Variants in PRKN observed in about 807,000 individuals in gnomAD.
PRKN encodes parkin RBR E3 ubiquitin protein ligase.
PRKN carries 56 observed loss-of-function variants against 59.5 expected under a neutral mutation model. That is an observed-to-expected ratio of 0.94 (90% CI 0.76 to 1.18). The LOEUF (loss-of-function observed/expected upper bound fraction) is 1.18, where lower values mean the gene tolerates loss of function less well. Among genes scored for constraint, PRKN ranks in the 50% most tolerant of loss-of-function variants. The probability of loss-of-function intolerance (pLI) is 0.00; values close to 1 mark genes in which losing one functional copy is unlikely to be tolerated. For synonymous variants in PRKN, 250 were observed against 222.1 expected (o/e 1.13, Z -1.12); for missense variants, 657 against 596.4 (o/e 1.10, Z -1.06).
chr6:161,615,362 ATATT>A (rs1782653937), intron 7 of PRKN, among the ~76,000 whole-genome samples: 1 of 152,192 alleles, frequency 6.6e-6, no homozygotes, highest in Non-Finnish European at 1.5e-5. Flanking sequence ...GAGATTGAAA[ATATT>A]TTTTATTTCA....
intron 5 of PRKN, among the ~76,000 whole-genome samples, chr6:161,980,752 C>A (rs751002037): frequency 9.9e-5 from 15 of 152,130 alleles, no homozygotes; most frequent in Non-Finnish European, 1.9e-4. Context: ...GAAACAGCCC[C>A]AACTTACAGA....
At chr6:162,283,153 T>C (rs1232465612) in intron 2 of PRKN, among the ~76,000 whole-genome samples, 1 of 152,202 alleles carries the variant, frequency 6.6e-6, no homozygotes, top group Non-Finnish European at 1.5e-5. Context: ...TGTTTTACCC[T>C]TTCTGGCTAC....
chr6:161,369,774 A>T lies in PRKN; in HGVS notation c.1168-9569T>A, dbSNP rs1206889235. Reference sequence around the variant, plus strand: ...TATATATATGAAACATCTATAATATACTTATATATAGATGTTTCATATATA... The same window carrying T: ...TATATATATGAAACATCTATAATATTCTTATATATAGATGTTTCATATATA... On this transcript the variant is annotated intron_variant, in intron 10 of 11. Transcript: ENST00000366898. The surrounding 1 kb of genome is among the most constrained non-coding windows in gnomAD (Gnocchi z 5.8). Among the ~76,000 whole-genome samples, 1 of 151,684 alleles carries T rather than the reference A, an allele frequency of 6.6e-6. No homozygotes were observed. Among genetic ancestry groups the T allele is most frequent in the Non-Finnish European group, 1.5e-5 (1 of 67,932 alleles).
At chr6:161,840,570 A>T (rs1490419377) in intron 6 of PRKN, among the ~76,000 whole-genome samples, 1 of 152,146 alleles carries the variant, frequency 6.6e-6, no homozygotes, top group Non-Finnish European at 1.5e-5. Flanking sequence ...AGTACGTGTC[A>T]GTTATGATTT....
intron 5 of PRKN, among the ~76,000 whole-genome samples, chr6:161,997,623 T>C (rs1421404141): frequency 6.6e-6 from 1 of 152,162 alleles, no homozygotes; most frequent in Non-Finnish European, 1.5e-5. Flanking sequence ...ACTCAGAACA[T>C]ACTAAGTGAT....
At chr6:161,926,824 A>C (rs1030242431) in intron 6 of PRKN, among the ~76,000 whole-genome samples, 1 of 151,814 alleles carries the variant, frequency 6.6e-6, no homozygotes, top group Non-Finnish European at 1.5e-5. Flanking sequence ...TCTCTATAAG[A>C]CATTCAAATG....
At chr6:162,167,887 G>A (rs945343853) in intron 4 of PRKN, among the ~76,000 whole-genome samples, 11 of 152,054 alleles carry the variant, frequency 7.2e-5, no homozygotes, top group Non-Finnish European at 1.5e-4. Flanking sequence ...TGGTCTTGCC[G>A]TGAATATTTG....
intron 7 of PRKN, among the ~76,000 whole-genome samples, chr6:161,591,053 A>T (rs1322266421): frequency 6.6e-6 from 1 of 152,194 alleles, no homozygotes; most frequent in African/African-American, 2.4e-5. Context: ...TACATAACAG[A>T]TTACTCCGGT....
chr6:162,039,811 A>C (rs190069613), intron 5 of PRKN, among the ~76,000 whole-genome samples: 1 of 152,372 alleles, frequency 6.6e-6, no homozygotes, highest in East Asian at 1.9e-4. Context: ...ACAGACAGAC[A>C]GACAGATGTA....
intron 3 of PRKN, among the ~76,000 whole-genome samples, chr6:162,222,544 G>A (rs956943259): frequency 6.6e-6 from 1 of 152,126 alleles, no homozygotes; most frequent in African/African-American, 2.4e-5. Flanking sequence ...CAACTTCAGG[G>A]AATGAATTCT....
At chr6:162,200,327 C>T (rs933095368) in intron 4 of PRKN, among the ~76,000 whole-genome samples, 13 of 152,284 alleles carry the variant, frequency 8.5e-5, no homozygotes, top group Admixed American at 4.6e-4. Flanking sequence ...GTCAGCAAAC[C>T]TGTTCTCTAA....
Position 162,404,369 on chromosome 6 carries a change from GA to G in PRKN, c.171+38940del, listed in dbSNP as rs1242287906. 2.0e-3 allele frequency among the ~76,000 whole-genome samples: 266 copies of G among 133,766 alleles called. 1 individual carries two copies. The highest frequency in any genetic ancestry group is 4.2e-3 in the African/African-American group (156 of 36,780). The allele number at this position is 133,766 out of a possible 152,430, so 87.8% of individuals were successfully genotyped here. On this transcript the variant is annotated intron_variant, in intron 2 of 11. Coordinates refer to ENST00000366898, the MANE Select transcript of PRKN (RefSeq NM_004562.3). Reference sequence around the variant, plus strand: ...TGGGCGACAGAGTGAGACTCTGTCAGAAAAAAAAAAAAAGAAAGAAAGAAAG... The same window carrying G: ...TGGGCGACAGAGTGAGACTCTGTCAGAAAAAAAAAAAAGAAAGAAAGAAAG...
chr6:162,666,478 C>T (rs577631477), intron 1 of PRKN, among the ~76,000 whole-genome samples: 60 of 152,162 alleles, frequency 3.9e-4, no homozygotes, highest in African/African-American at 1.4e-3. Context: ...TTCCTATCTC[C>T]ACAGAGCGCT....
chr6:162,616,025 A>G (rs183736480), intron 1 of PRKN, among the ~76,000 whole-genome samples: 2 of 152,326 alleles, frequency 1.3e-5, no homozygotes, highest in South Asian at 4.1e-4. Flanking sequence ...CTATACCCGT[A>G]TATTCAAAAC....
intron 7 of PRKN, among the ~76,000 whole-genome samples, chr6:161,740,334 G>A (rs576528660): frequency 2.3e-4 from 35 of 152,180 alleles, no homozygotes; most frequent in African/African-American, 6.5e-4. Flanking sequence ...TATCAACTAC[G>A]TACACAAAGG....
At chr6:162,450,140 C>T (rs889850300) in intron 1 of PRKN, among the ~76,000 whole-genome samples, 1 of 152,162 alleles carries the variant, frequency 6.6e-6, no homozygotes, top group African/African-American at 2.4e-5. Flanking sequence ...ACGTCTCTGG[C>T]TAACCCCTGA....
At chr6:162,009,220 T>G (rs1433834341) in intron 5 of PRKN, among the ~76,000 whole-genome samples, 1 of 151,844 alleles carries the variant, frequency 6.6e-6, no homozygotes, top group Non-Finnish European at 1.5e-5. Flanking sequence ...GCCACTGCAC[T>G]CTAGCCTGGG....
At chr6:161,710,539 G>T (rs1194040360) in intron 7 of PRKN, among the ~76,000 whole-genome samples, 2 of 152,178 alleles carry the variant, frequency 1.3e-5, no homozygotes, top group East Asian at 3.9e-4. Context: ...CTGTGTGCAT[G>T]TGTATATGAC....
rs535085858 is a variant in PRKN, at chr6:162,711,758, G to A, written c.7+15904C>T. 7.9e-5 allele frequency among the ~76,000 whole-genome samples: 12 copies of A among 152,298 alleles called. No homozygotes were observed. In the South Asian group the frequency reaches 1.7e-3, roughly 21 times the overall value. On this transcript the variant is annotated intron_variant, in intron 1 of 11. Coordinates refer to ENST00000366898, the MANE Select transcript of PRKN (RefSeq NM_004562.3). ...GTGCTCTCTATATGGGGGAAAGTAG[G>A]CCACAGAATGTCTCTCCATTAGGCA...
Sources: gnomAD v4.1 joint callset for allele counts (sites outside exome capture counted in the v4.1 genomes callset) on GRCh38, gnomAD v4.1.1 for gene constraint, Gnocchi (gnomAD v3.1) non-coding constraint, MANE v1.5 for transcripts, NCBI Gene and HGNC (gene_info 2026-07-23, HGNC 2026-07-21) for gene names.